Variants in PIGN observed in about 807,000 individuals in gnomAD.
PIGN encodes the protein GPI ethanolamine phosphate transferase 1.
In PIGN, 117 loss-of-function variants were observed where a neutral mutation model predicts 125.4. The ratio of observed to expected loss-of-function variants is 0.93; its 90% CI spans 0.80 to 1.09. PIGN has a LOEUF of 1.09. Among genes scored for constraint, PIGN ranks in the 50% least tolerant of loss-of-function variants. The probability of loss-of-function intolerance (pLI) is 0.00; values close to 1 mark genes in which losing one functional copy is unlikely to be tolerated. For missense variants in PIGN, 1,075 were observed against 1,094.9 expected (o/e 0.98, Z 0.26); for synonymous variants, 392 against 377.8 (o/e 1.04, Z -0.44).
chr18:62,164,015 CCTTTTT>C (rs1250652640), intron 1 of PIGN, among the ~76,000 whole-genome samples: 60 of 152,310 alleles, frequency 3.9e-4, no homozygotes, highest in African/African-American at 1.3e-3. Flanking sequence ...GAATTTCCTT[CCTTTTT>C]AAGACTGAAA....
intron 23 of PIGN, among the ~76,000 whole-genome samples, chr18:62,095,142 T>G (rs1207967186): frequency 1.3e-5 from 2 of 152,248 alleles, no homozygotes; most frequent in African/African-American, 4.8e-5. Flanking sequence ...AAACTGTTTA[T>G]GAGTGGTGTT....
intron 7 of PIGN, among the ~76,000 whole-genome samples, chr18:62,151,555 C>G (rs1292481236): frequency 6.6e-6 from 1 of 152,172 alleles, no homozygotes; most frequent in Admixed American, 6.5e-5. Flanking sequence ...ACTGTGCATG[C>G]GGGCGCCCCA....
At chr18:62,124,264 C>T (rs1322778294) in intron 14 of PIGN, among the ~76,000 whole-genome samples, 2 of 152,160 alleles carry the variant, frequency 1.3e-5, no homozygotes, top group Admixed American at 6.6e-5. Context: ...CTGAACTATA[C>T]ATGTGATCTA....
At chr18:62,074,742 T>TA (rs1367994895) in intron 29 of PIGN, 37 bp downstream of exon 29, 1 of 1,363,670 alleles carries the variant, frequency 7.3e-7, no homozygotes, top group African/African-American at 1.4e-5. Flanking sequence ...CCAGGACTCT[T>TA]AATCTAATTT....
chr18:62,161,226 G>A lies in PIGN; in HGVS notation c.128C>T (p.Ala43Val), dbSNP rs759600092. The stretch of plus-strand genomic sequence containing the variant: ...AGCAACAAACAACACTAATCTTCTC[G>A]CTGGAGGAGGCAATGGTGTAAACTG... The part of the protein sequence containing the change: ...TPQFTPLPPP[A>V]RRLVLFVADG... The change falls in exon 4 of 31, where the codon GCG becomes GTG. Residue 43 changes from alanine to valine, a missense_variant. Around this residue, in one of 3 missense-constraint regions of PIGN, gnomAD observed 152 missense variants for 162.9 expected, o/e 0.93. Transcript: ENST00000640252. 9.3e-6 allele frequency: 15 copies of A among 1,613,486 alleles called. No homozygotes were observed. The Admixed American group carries it at 1.5e-4, about 16-fold the overall frequency.
At chr18:62,180,877 GTTTT>G (rs1211511550) in intron 1 of PIGN, among the ~76,000 whole-genome samples, 1 of 152,090 alleles carries the variant, frequency 6.6e-6, no homozygotes, top group Non-Finnish European at 1.5e-5. Flanking sequence ...TCTGGTGTGA[GTTTT>G]TTGTGTCTTG....
chr18:62,181,289 A>C (rs1193155902), intron 1 of PIGN, among the ~76,000 whole-genome samples: 1 of 152,218 alleles, frequency 6.6e-6, no homozygotes. Flanking sequence ...TATCAGTATT[A>C]ATAAAAAAAA....
chr18:62,071,719 TACTGC>T (rs1312615967), intron 30 of PIGN, among the ~76,000 whole-genome samples: 1 of 151,824 alleles, frequency 6.6e-6, no homozygotes, highest in Non-Finnish European at 1.5e-5. Context: ...TGAACAAACC[TACTGC>T]ACTGCCAGTC....
chr18:62,147,130 TA>T, intron 8 of PIGN, 29 bp from the exon 9 acceptor site: 1 of 1,564,588 alleles, frequency 6.4e-7, no homozygotes, highest in Non-Finnish European at 8.7e-7. Flanking sequence ...AGGAACAAAT[TA>T]AATTAATTTG....
chr18:62,173,938 G>T (rs571005107), intron 1 of PIGN, among the ~76,000 whole-genome samples: 3 of 152,048 alleles, frequency 2.0e-5, no homozygotes, highest in African/African-American at 4.8e-5. Context: ...TTTCTCGGCC[G>T]GGTGCGGTGG....
Position 62,109,869 on chromosome 18 carries a change from CA to C in PIGN, c.1538del (p.Leu513CysfsTer11). ...CCGCATACCATATTGGCAGTGGCAA[CA>C]AACCATATACATAATATGTCCAGGG... ...ACPWTYYVYG[L>X]LPLPIWYAVL... is the part of the protein sequence containing the mutation. On this transcript the variant is annotated frameshift_variant, in exon 17 of 31. Transcript: ENST00000640252. LOFTEE classifies it high-confidence loss of function. The C allele has an allele frequency of 1.2e-6, 2 of 1,612,724 alleles. No homozygotes were observed. The highest frequency in any genetic ancestry group is 1.7e-6 in the Non-Finnish European group (2 of 1,179,198).
intron 1 of PIGN, among the ~76,000 whole-genome samples, chr18:62,184,042 A>C (rs1427735772): frequency 6.6e-6 from 1 of 152,168 alleles, no homozygotes. Flanking sequence ...ATACCTCCAA[A>C]ACAAACACAT....
At position 62,157,736 on chromosome 18, in the gene PIGN, A is replaced by G. The variant is rs781292428; in HGVS notation, c.294T>C (p.His98=). The G allele has an allele frequency of 1.2e-6, 2 of 1,612,548 alleles. No individual in the cohort carries two copies. Among genetic ancestry groups the G allele is most frequent in the African/African-American group, 1.3e-5 (1 of 74,916 alleles). ...CATAAAACCCAGCTATCAGAGCTAC[A>G]TGACCTGGCCGAGATTCTGTTGGCA... The part of the protein sequence containing the change: ...TRVPTESRPG[H]VALIAGFYED... The change falls in exon 5 of 31, where the codon CAT becomes CAC. Residue 98 remains histidine, a synonymous_variant. Transcript: ENST00000640252.
chr18:62,047,494 A>C (rs1410564793), intron 30 of PIGN, among the ~76,000 whole-genome samples: 1 of 152,180 alleles, frequency 6.6e-6, no homozygotes, highest in East Asian at 1.9e-4. Flanking sequence ...TTATTAGTGG[A>C]GGTTGCATGG....
In PIGN at chr18:62,163,582, C is replaced by T. The variant is rs1293717470; in HGVS notation, c.-161G>A. ...AAAAGATTTAGCTTTTAAGGAACAT[C>T]TATGTTCAAAATTATAGGTCTCCAA... On this transcript the variant is annotated 5_prime_UTR_variant, in exon 2 of 31. Transcript: ENST00000640252. 6.6e-6 allele frequency: 1 copy of T among 152,134 alleles called. No homozygotes were observed. The highest frequency in any genetic ancestry group is 6.5e-5 in the Admixed American group (1 of 15,274). 9.4% of individuals were successfully genotyped at this position (152,134 alleles called of 1,614,324 possible).
At chr18:62,184,260 C>T (rs867613650) in intron 1 of PIGN, among the ~76,000 whole-genome samples, 1 of 152,072 alleles carries the variant, frequency 6.6e-6, no homozygotes, top group Admixed American at 6.6e-5. Context: ...AAATGATTGA[C>T]GTGCTTTGAA....
At chr18:62,105,911 G>C (rs1387757845) in intron 19 of PIGN, among the ~76,000 whole-genome samples, 1 of 152,206 alleles carries the variant, frequency 6.6e-6, no homozygotes, top group African/African-American at 2.4e-5. Flanking sequence ...CAAGAGGCAG[G>C]TATTATCATT....
At chr18:62,151,421 A>G (rs182862627) in intron 7 of PIGN, among the ~76,000 whole-genome samples, 1 of 152,292 alleles carries the variant, frequency 6.6e-6, no homozygotes, top group Admixed American at 6.5e-5. Context: ...GCATTAATAG[A>G]CCAAATGGCA....
chr18:62,049,530 G>T (rs1400535033), intron 30 of PIGN, among the ~76,000 whole-genome samples: 2 of 151,678 alleles, frequency 1.3e-5, no homozygotes, highest in Non-Finnish European at 2.9e-5. Context: ...CATGTCCTTC[G>T]CCCACTTTTT....
Sources: allele counts gnomAD v4.1 joint callset (sites outside exome capture counted in the v4.1 genomes callset), GRCh38; gene constraint gnomAD v4.1.1; regional missense constraint gnomAD v4.1.1; transcripts MANE v1.5; gene names NCBI Gene and HGNC (gene_info 2026-07-23, HGNC 2026-07-21).